DLG5: variants seen among roughly 807,000 people sequenced by gnomAD.
DLG5 encodes the protein discs large MAGUK scaffold protein 5.
DLG5 carries 48 observed loss-of-function variants against 189.8 expected under a neutral mutation model. That is an observed-to-expected ratio of 0.25 (90% CI 0.20 to 0.32). The LOEUF (loss-of-function observed/expected upper bound fraction) is 0.32, where lower values mean the gene tolerates loss of function less well. Ranked by LOEUF, DLG5 falls within the 10% of genes least tolerant of loss-of-function variation. The pLI is 1.00. For synonymous variants in DLG5, 1,016 were observed against 1,054.1 expected (o/e 0.96, Z 0.70); for missense variants, 2,160 against 2,544.7 (o/e 0.85, Z 3.25).
intron 1 of DLG5, among the ~76,000 whole-genome samples, chr10:77,904,900 G>A (rs868125036): frequency 1.3e-5 from 2 of 151,916 alleles, no homozygotes; most frequent in Non-Finnish European, 1.5e-5. Flanking sequence ...AGGCTGAGGC[G>A]GGTGGATTGC....
chr10:77,847,217 G>A (rs992139660), intron 5 of DLG5, among the ~76,000 whole-genome samples: 1 of 152,078 alleles, frequency 6.6e-6, no homozygotes, highest in Non-Finnish European at 1.5e-5. Flanking sequence ...TAGGATCCTC[G>A]GGTCAGAAGA....
At chr10:77,924,440 A>AT (rs751641470) in intron 1 of DLG5, among the ~76,000 whole-genome samples, 3 of 152,176 alleles carry the variant, frequency 2.0e-5, no homozygotes, top group African/African-American at 4.8e-5. Context: ...TCCATCAATC[A>AT]ATTTTCAGAG....
chr10:77,935,377 C>T, the DLG5 span, among the ~76,000 whole-genome samples: 1 of 152,110 alleles, frequency 6.6e-6, no homozygotes, highest in Admixed American at 6.5e-5. Flanking sequence ...ACCCTTCCAC[C>T]AGGCTTTGCT....
At chr10:77,873,331 C>T (rs1339532301) in intron 1 of DLG5, among the ~76,000 whole-genome samples, 2 of 152,104 alleles carry the variant, frequency 1.3e-5, no homozygotes, top group Admixed American at 6.5e-5. Flanking sequence ...TACACACTGG[C>T]CCAGAGCTGG....
At chr10:77,817,217 C>T in intron 18 of DLG5, 121 bp from the exon 19 acceptor site, 2 of 882,160 alleles carry the variant, frequency 2.3e-6, no homozygotes, top group Non-Finnish European at 3.7e-6. Flanking sequence ...TGTTTATTCC[C>T]AAGGGAGCCT....
intron 9 of DLG5, 131 bp from the exon 10 acceptor site, chr10:77,831,004 T>C: frequency 8.8e-7 from 1 of 1,136,712 alleles, no homozygotes; most frequent in Non-Finnish European, 1.2e-6. Context: ...TGTTTCCCAA[T>C]AACTCAGAGT....
chr10:77,890,378 G>A (rs1014317618), intron 1 of DLG5, among the ~76,000 whole-genome samples: 1 of 152,092 alleles, frequency 6.6e-6, no homozygotes, highest in African/African-American at 2.4e-5. Flanking sequence ...ACCTCTCATA[G>A]CTCAACTCAT....
At chr10:77,822,367 C>T (rs186774664) in intron 14 of DLG5, among the ~76,000 whole-genome samples, 6 of 152,268 alleles carry the variant, frequency 3.9e-5, no homozygotes, top group East Asian at 3.9e-4. Flanking sequence ...TTATCTGGGC[C>T]GGGCACAGTG....
chr10:77,821,626 C>A lies in DLG5; in HGVS notation c.2858G>T (p.Ser953Ile). The stretch of plus-strand genomic sequence containing the variant: ...GAGCTTCTCAGGCACTGCCGTGGAG[C>A]TGAGCATGGCCTTGGGCCAGGTCCC... ...SGGTWPKAML[S>I]STAVPEKLSV... Residue 953 changes from serine to isoleucine, a missense_variant, in exon 15 of 32, where the codon AGC (serine) becomes ATC (isoleucine). Transcript: ENST00000372391. The A allele has an allele frequency of 6.2e-7, 1 of 1,613,088 alleles. No individual in the cohort carries two copies. Among genetic ancestry groups the A allele is most frequent in the Admixed American group, 1.7e-5 (1 of 60,016 alleles).
In DLG5 at chr10:77,852,322, A is replaced by T. The variant is rs545777080; in HGVS notation, c.864+1032T>A. ...GGACGCAGAGGTTGCAGTGAGCCAAAATCACACTACTGCACTCCAGCCTGG... is the reference window on the plus strand; with the variant it reads ...GGACGCAGAGGTTGCAGTGAGCCAATATCACACTACTGCACTCCAGCCTGG... On this transcript the variant is annotated intron_variant, in intron 5 of 31. Transcript: ENST00000372391. 2.4e-4 allele frequency among the ~76,000 whole-genome samples: 36 copies of T among 152,150 alleles called. No homozygotes were observed. In the South Asian group the frequency reaches 7.1e-3, roughly 30 times the overall value.
At chr10:77,917,818 G>A (rs1015627632) in intron 1 of DLG5, among the ~76,000 whole-genome samples, 11 of 151,872 alleles carry the variant, frequency 7.2e-5, no homozygotes, top group East Asian at 1.9e-4. Context: ...CCTGAGGTAC[G>A]GAGTTCGAGA....
intron 5 of DLG5, among the ~76,000 whole-genome samples, chr10:77,849,344 G>A (rs1843849587): frequency 6.6e-6 from 1 of 152,270 alleles, no homozygotes; most frequent in African/African-American, 2.4e-5. Context: ...CCAGCGGGGA[G>A]CAAGCCTGTG....
chr10:77,800,087 A>ACCT (rs1488830543), intron 27 of DLG5, among the ~76,000 whole-genome samples: 1 of 152,200 alleles, frequency 6.6e-6, no homozygotes, highest in Non-Finnish European at 1.5e-5. Context: ...GTGCACAATC[A>ACCT]GCAGGGTGGG....
intron 23 of DLG5, 95 bp downstream of exon 23, chr10:77,810,999 G>A: frequency 6.8e-7 from 1 of 1,476,926 alleles, no homozygotes; most frequent in Non-Finnish European, 9.1e-7. Flanking sequence ...CAGCACATGA[G>A]GCCAGCTGCC....
chr10:77,810,443 C>T (rs1228721472), intron 23 of DLG5, among the ~76,000 whole-genome samples: 1 of 152,196 alleles, frequency 6.6e-6, no homozygotes, highest in African/African-American at 2.4e-5. Context: ...ACAGCTCCTC[C>T]AGGACGGCAG....
intron 1 of DLG5, among the ~76,000 whole-genome samples, chr10:77,882,712 GA>G (rs1489078414): frequency 6.6e-6 from 1 of 150,918 alleles, no homozygotes; most frequent in Non-Finnish European, 1.5e-5. Context: ...AGGAGTTGGA[GA>G]CCAGCCTGGC....
intron 7 of DLG5, among the ~76,000 whole-genome samples, chr10:77,838,536 T>C (rs1843260834): frequency 6.6e-6 from 1 of 152,196 alleles, no homozygotes; most frequent in Non-Finnish European, 1.5e-5. Flanking sequence ...GGCCTCCCCA[T>C]GCTACCTCTT....
At chr10:77,843,358 C>T (rs1843519729) in intron 6 of DLG5, 89 bp downstream of exon 6, 3 of 1,476,368 alleles carry the variant, frequency 2.0e-6, no homozygotes, top group East Asian at 2.3e-5. Context: ...TGAAAAAGCA[C>T]AATAACTCAT....
chr10:77,920,472 T>C (rs1246102896), intron 1 of DLG5, among the ~76,000 whole-genome samples: 5 of 152,216 alleles, frequency 3.3e-5, no homozygotes, highest in Non-Finnish European at 7.3e-5. Flanking sequence ...GTGACATCGC[T>C]GCTGCTTGTC....
Sources: allele counts gnomAD v4.1 joint callset (sites outside exome capture counted in the v4.1 genomes callset), GRCh38; gene constraint gnomAD v4.1.1; transcripts MANE v1.5; gene names NCBI Gene and HGNC (gene_info 2026-07-23, HGNC 2026-07-21).